ERBB4: variants seen among roughly 807,000 people sequenced by gnomAD.
The protein encoded by ERBB4 is receptor tyrosine-protein kinase erbB-4.
ERBB4 carries 42 observed loss-of-function variants against 158.0 expected under a neutral mutation model. The ratio of observed to expected loss-of-function variants is 0.27; its 90% confidence interval spans 0.21 to 0.34. The LOEUF (loss-of-function observed/expected upper bound fraction) is 0.34. Among genes scored for constraint, ERBB4 ranks in the 10% least tolerant of loss-of-function variants. The probability of loss-of-function intolerance (pLI) is 1.00; values close to 1 mark genes in which losing one functional copy is unlikely to be tolerated. For synonymous variants in ERBB4, 583 were observed against 558.7 expected (o/e 1.04, Z -0.61); for missense variants, 1,333 against 1,624.1 (o/e 0.82, Z 3.08).
chr2:212,286,936 A>G (rs1224943067), intron 1 of ERBB4, among the ~76,000 whole-genome samples: 1 of 151,108 alleles, frequency 6.6e-6, no homozygotes, highest in Non-Finnish European at 1.5e-5. Context: ...TATATCCTAA[A>G]GCGCAAGAGG....
chr2:212,268,433 T>C lies in ERBB4; in HGVS notation c.83-143530A>G, dbSNP rs529414479. ...CTGTGCTAACATGCTTTGGGACACATGACTTAATATAAATATATAAATATC... is the reference window on the plus strand; with the variant it reads ...CTGTGCTAACATGCTTTGGGACACACGACTTAATATAAATATATAAATATC... On this transcript the variant is annotated intron_variant, in intron 1 of 27. Transcript: ENST00000342788. Among the ~76,000 whole-genome samples, 10 of 152,008 alleles carry C rather than the reference T, an allele frequency of 6.6e-5. No homozygotes were observed. In the East Asian group the frequency reaches 1.6e-3, roughly 24 times the overall value.
At chr2:212,307,029 TCA>T (rs961530229) in intron 1 of ERBB4, among the ~76,000 whole-genome samples, 7 of 151,290 alleles carry the variant, frequency 4.6e-5, no homozygotes, top group African/African-American at 1.2e-4. Flanking sequence ...GGCCAAATTA[TCA>T]TTAAATTATT....
chr2:211,474,414 C>T (rs6742216), intron 20 of ERBB4, among the ~76,000 whole-genome samples: 44 of 151,854 alleles, frequency 2.9e-4, no homozygotes, highest in African/African-American at 1.0e-3. Flanking sequence ...GTGGTATAGC[C>T]AGGATTTCGT....
rs1261603409 is a variant in ERBB4, at chr2:211,619,198, C to T, written c.2280G>A (p.Lys760=). 2 of 1,609,126 alleles carry T rather than the reference C, an allele frequency of 1.2e-6. No individual in the cohort carries two copies. Among genetic ancestry groups the T allele is most frequent in the South Asian group, 1.1e-5 (1 of 90,996 alleles). The change falls in exon 19 of 28, where the codon AAG becomes AAA. Residue 760 remains lysine (K), a synonymous_variant. Transcript: ENST00000342788. ...IKILNETTGP[K]ANVEFMDEAL... ...TTACATCCATGAACTCCACATTTGC[C>T]TTGGGACCAGTTGTCTCATTAAGAA...
chr2:211,641,933 AT>A (rs11313279), intron 16 of ERBB4, among the ~76,000 whole-genome samples: 144,872 of 150,352 alleles, frequency 0.96, 69,874 homozygotes, highest in East Asian at 1. Context: ...ATCATTTCTA[AT>A]TTTTTTTTTT....
At chr2:212,133,867 C>T (rs2080187209) in intron 1 of ERBB4, among the ~76,000 whole-genome samples, 1 of 152,094 alleles carries the variant, frequency 6.6e-6, no homozygotes, top group South Asian at 2.1e-4. Context: ...AACACTGGTT[C>T]CTCCATTTTT....
At chr2:212,205,164 G>T (rs1394146844) in intron 1 of ERBB4, among the ~76,000 whole-genome samples, 1 of 151,764 alleles carries the variant, frequency 6.6e-6, no homozygotes, top group African/African-American at 2.4e-5. Flanking sequence ...CAGATAGACA[G>T]ATTTTGTTTG....
intron 20 of ERBB4, among the ~76,000 whole-genome samples, chr2:211,527,685 A>G (rs1057062307): frequency 2.0e-5 from 3 of 152,086 alleles, no homozygotes; most frequent in East Asian, 3.8e-4. Context: ...ATAAATAGAA[A>G]TAACAAAATG....
At chr2:211,970,598 T>G (rs2081424862) in intron 2 of ERBB4, among the ~76,000 whole-genome samples, 1 of 152,202 alleles carries the variant, frequency 6.6e-6, no homozygotes, top group Non-Finnish European at 1.5e-5. Flanking sequence ...TTAGATCTTC[T>G]TGCTGAATTG....
intron 1 of ERBB4, among the ~76,000 whole-genome samples, chr2:212,249,313 G>A (rs1225116704): frequency 6.6e-6 from 1 of 151,634 alleles, no homozygotes; most frequent in Non-Finnish European, 1.5e-5. Flanking sequence ...ATGTATATGT[G>A]TGTATGTTTT....
At chr2:211,655,024 C>T (rs534696745) in intron 16 of ERBB4, among the ~76,000 whole-genome samples, 7 of 152,092 alleles carry the variant, frequency 4.6e-5, no homozygotes, top group Non-Finnish European at 1.0e-4. Flanking sequence ...AATATTAAAT[C>T]TATAACAAGA....
At chr2:212,402,091 G>A (rs2091223929) in intron 1 of ERBB4, among the ~76,000 whole-genome samples, 1 of 152,122 alleles carries the variant, frequency 6.6e-6, no homozygotes, top group South Asian at 2.1e-4. Flanking sequence ...ATTTGTAATA[G>A]TCAGAAACTG....
chr2:211,551,630 T>G (rs2125702640), intron 20 of ERBB4, among the ~76,000 whole-genome samples: 1 of 152,332 alleles, frequency 6.6e-6, no homozygotes, highest in South Asian at 2.1e-4. Context: ...TTAGTAGGGT[T>G]ATTTCTCTTC....
At chr2:211,634,833 A>G (rs1467933704) in intron 16 of ERBB4, among the ~76,000 whole-genome samples, 1 of 152,122 alleles carries the variant, frequency 6.6e-6, no homozygotes, top group Non-Finnish European at 1.5e-5. Flanking sequence ...GACTGCCACC[A>G]TGCCCAATTA....
chr2:211,453,499 G>C lies in ERBB4; in HGVS notation c.2488-22399C>G, dbSNP rs367845387. ...CACTAATGAATTATCATTTTAAAAA[G>C]AGGAAGAGAGAAAGGAAAATGAAAC... On this transcript the variant is annotated intron_variant, in intron 20 of 27. Transcript: ENST00000342788. 1.2e-3 allele frequency among the ~76,000 whole-genome samples: 187 copies of C among 152,196 alleles called. 1 individual carries two copies. The highest frequency in any genetic ancestry group is 0.012 in the South Asian group (57 of 4,816).
chr2:211,454,148 C>A (rs952920648), intron 20 of ERBB4, among the ~76,000 whole-genome samples: 1 of 152,110 alleles, frequency 6.6e-6, no homozygotes, highest in Non-Finnish European at 1.5e-5. Context: ...ATGAAGCTAA[C>A]GTTGTGATTA....
chr2:211,785,995 A>T (rs1216060870), intron 4 of ERBB4, among the ~76,000 whole-genome samples: 1 of 152,210 alleles, frequency 6.6e-6, no homozygotes, highest in East Asian at 1.9e-4. Context: ...GCCTCAAAAA[A>T]TATTAAAAAT....
chr2:212,295,421 A>G (rs985133683), intron 1 of ERBB4, among the ~76,000 whole-genome samples: 1 of 152,056 alleles, frequency 6.6e-6, no homozygotes, highest in Non-Finnish European at 1.5e-5. Context: ...TAAAACTTCA[A>G]CTCAAAGAAT....
chr2:211,644,447 T>C (rs1003793062), intron 16 of ERBB4, among the ~76,000 whole-genome samples: 1 of 52,292 alleles, frequency 1.9e-5, no homozygotes, highest in African/African-American at 3.3e-5. Flanking sequence ...CTCCAGATAA[T>C]GTAAGAGAAA....
Sources: allele counts gnomAD v4.1 joint callset (sites outside exome capture counted in the v4.1 genomes callset), GRCh38; gene constraint gnomAD v4.1.1; transcripts MANE v1.5; gene names NCBI Gene and HGNC (gene_info 2026-07-23, HGNC 2026-07-21).